The following MAST4 variants were observed in gnomAD, a reference collection of about 807,000 sequenced individuals.
MAST4 encodes microtubule associated serine/threonine kinase family member 4.
In MAST4, 89 loss-of-function variants were observed where a neutral mutation model predicts 162.7. That is an observed-to-expected ratio of 0.55 (90% CI 0.46 to 0.65). The LOEUF is 0.65. Among genes scored for constraint, MAST4 ranks in the 30% least tolerant of loss-of-function variants. The pLI, the probability that MAST4 is intolerant of heterozygous loss-of-function variation, is 0.00. For missense variants in MAST4, 3,153 were observed against 3,374.0 expected (o/e 0.93, Z 1.62); for synonymous variants, 1,479 against 1,361.1 (o/e 1.09, Z -1.91).
intron 5 of MAST4, 129 bp downstream of exon 5, chr5:67,054,621 A>C (rs1400109870): frequency 1.2e-6 from 1 of 825,708 alleles, no homozygotes; most frequent in African/African-American, 1.8e-5. Context: ...TTTATCCCTA[A>C]GTTGTTCTTT....
chr5:66,716,711 T>C (rs1750864383), intron 1 of MAST4, among the ~76,000 whole-genome samples: 1 of 152,120 alleles, frequency 6.6e-6, no homozygotes, highest in Non-Finnish European at 1.5e-5. Flanking sequence ...TTAAAATTCT[T>C]TGTAGACCAT....
At chr5:67,039,304 A>G (rs1284518299) in intron 4 of MAST4, among the ~76,000 whole-genome samples, 1 of 152,212 alleles carries the variant, frequency 6.6e-6, no homozygotes, top group Non-Finnish European at 1.5e-5. Context: ...ATCCCTTTCA[A>G]TATGGAAAGT....
chr5:67,081,635 G>C (rs1362172916), intron 5 of MAST4, among the ~76,000 whole-genome samples: 1 of 152,122 alleles, frequency 6.6e-6, no homozygotes, highest in Non-Finnish European at 1.5e-5. Flanking sequence ...TTTAAATGGG[G>C]TGGGCCAACT....
chr5:67,060,186 A>C (rs1759383167), intron 5 of MAST4, among the ~76,000 whole-genome samples: 1 of 152,124 alleles, frequency 6.6e-6, no homozygotes, highest in South Asian at 2.1e-4. Context: ...TGAGCCATAC[A>C]TGAGAATTGT....
At chr5:66,878,205 G>T (rs1013065989) in intron 3 of MAST4, among the ~76,000 whole-genome samples, 1 of 152,214 alleles carries the variant, frequency 6.6e-6, no homozygotes, top group Non-Finnish European at 1.5e-5. Context: ...CTTCTCTCCT[G>T]GTCATTGTTT....
intron 3 of MAST4, among the ~76,000 whole-genome samples, chr5:66,828,332 A>T (rs746420719): frequency 6.6e-6 from 1 of 152,120 alleles, no homozygotes; most frequent in African/African-American, 2.4e-5. Context: ...CCTTTGGAAG[A>T]GATGAGCGCC....
intron 4 of MAST4, among the ~76,000 whole-genome samples, chr5:66,969,637 C>T (rs1341158046): frequency 6.6e-6 from 1 of 152,102 alleles, no homozygotes; most frequent in Non-Finnish European, 1.5e-5. Context: ...TACTGGGTAT[C>T]CATGGCTGCC....
At chr5:67,110,836 C>T (rs1405282705) in intron 11 of MAST4, among the ~76,000 whole-genome samples, 1 of 152,122 alleles carries the variant, frequency 6.6e-6, no homozygotes, top group Non-Finnish European at 1.5e-5. Flanking sequence ...CCAGCCTGGC[C>T]AACATGGTGA....
chr5:66,845,516 G>A (rs2149797979), intron 3 of MAST4, among the ~76,000 whole-genome samples: 2 of 152,118 alleles, frequency 1.3e-5, no homozygotes, highest in South Asian at 4.2e-4. Context: ...GTCTATCATT[G>A]ATGGACATTT....
At chr5:66,630,546 A>C (rs918704851) in intron 1 of MAST4, among the ~76,000 whole-genome samples, 2 of 152,318 alleles carry the variant, frequency 1.3e-5, no homozygotes, top group Admixed American at 6.5e-5. Context: ...GTTATAAAAC[A>C]AATTTACAAA....
chr5:66,676,563 T>A (rs1747960581), intron 1 of MAST4, among the ~76,000 whole-genome samples: 1 of 152,144 alleles, frequency 6.6e-6, no homozygotes. Context: ...ATCATAAAGC[T>A]GGAAGAGAAA....
chr5:66,882,384 A>G (rs1176738390), intron 3 of MAST4, among the ~76,000 whole-genome samples: 2 of 151,992 alleles, frequency 1.3e-5, no homozygotes, highest in Admixed American at 6.6e-5. Flanking sequence ...GAAGTTTAAT[A>G]TTGTCCCACA....
intron 5 of MAST4, among the ~76,000 whole-genome samples, chr5:67,067,026 T>A (rs1207471680): frequency 6.6e-6 from 1 of 152,204 alleles, no homozygotes; most frequent in Non-Finnish European, 1.5e-5. Context: ...GACATCATGA[T>A]GACCTGATGA....
chr5:67,105,260 T>G (rs1765468394), intron 10 of MAST4, among the ~76,000 whole-genome samples: 1 of 151,602 alleles, frequency 6.6e-6, no homozygotes. Context: ...TGTATTTGTA[T>G]ATATTGTATT....
chr5:66,597,144 T>C, intron 1 of MAST4, 126 bp downstream of exon 1: 2 of 1,196,272 alleles, frequency 1.7e-6, no homozygotes, highest in East Asian at 6.5e-5. Context: ...CCCCAAGCGC[T>C]CTGCCCCGAG....
At chr5:66,815,516 T>C (rs918956999) in intron 3 of MAST4, among the ~76,000 whole-genome samples, 1 of 152,238 alleles carries the variant, frequency 6.6e-6, no homozygotes, top group Non-Finnish European at 1.5e-5. Flanking sequence ...GGCTTGGTAC[T>C]ATCTGTGGTT....
At chr5:67,088,400 T>C (rs1361896180) in intron 5 of MAST4, among the ~76,000 whole-genome samples, 1 of 152,216 alleles carries the variant, frequency 6.6e-6, no homozygotes, top group Admixed American at 6.5e-5. Flanking sequence ...AGTTTGCTCT[T>C]TATGGTGTGT....
intron 3 of MAST4, among the ~76,000 whole-genome samples, chr5:66,837,886 ATATATATATT>A (rs568715990): frequency 0.075 from 3,789 of 50,814 alleles, 31 homozygotes; most frequent in East Asian, 0.12. Flanking sequence ...ATATATATAT[ATATATATATT>A]TTTTTTTTTT....
Position 67,014,919 on chromosome 5 carries a change from A to G in MAST4, c.675-39485A>G, listed in dbSNP as rs534162303. ...TGAGATTTAACCTTACAATTAGTCT[A>G]CCTTCTCACATCAGATCTAGGGTGA... On this transcript the variant is annotated intron_variant, in intron 4 of 28. Transcript: ENST00000403625. Among the ~76,000 whole-genome samples, 67 of 152,310 alleles carry G rather than the reference A, an allele frequency of 4.4e-4. No individual in the cohort carries two copies. In the South Asian group the frequency reaches 8.5e-3, roughly 19 times the overall value.
Sources: gnomAD v4.1 joint callset for allele counts (sites outside exome capture counted in the v4.1 genomes callset) on GRCh38, gnomAD v4.1.1 for gene constraint, MANE v1.5 for transcripts, NCBI Gene and HGNC (gene_info 2026-07-23, HGNC 2026-07-21) for gene names.